The following CCSER1 variants were observed in gnomAD, a reference collection of about 807,000 sequenced individuals.
CCSER1 encodes coiled-coil serine rich protein 1.
Under a neutral mutation model 82.0 loss-of-function variants are expected in CCSER1, and 41 were observed. That is an observed-to-expected ratio of 0.50 (90% CI 0.39 to 0.65). The LOEUF is 0.65. Among genes scored for constraint, CCSER1 ranks in the 30% least tolerant of loss-of-function variants. The pLI, the probability that CCSER1 is intolerant of heterozygous loss-of-function variation, is 0.00. For synonymous variants in CCSER1, 414 were observed against 383.9 expected (o/e 1.08, Z -0.92); for missense variants, 1,119 against 1,064.2 (o/e 1.05, Z -0.72).
At chr4:90,528,672 C>T (rs908928934) in intron 5 of CCSER1, among the ~76,000 whole-genome samples, 1 of 152,120 alleles carries the variant, frequency 6.6e-6, no homozygotes, top group Non-Finnish European at 1.5e-5. Context: ...ATAAAACACA[C>T]GTTCCATTAA....
At chr4:90,582,849 G>T (rs577512930) in intron 5 of CCSER1, among the ~76,000 whole-genome samples, 1 of 152,202 alleles carries the variant, frequency 6.6e-6, no homozygotes, top group African/African-American at 2.4e-5. Context: ...ATTCATGCTT[G>T]AGAAAAAATA....
At chr4:91,363,926 G>T (rs10516890) in intron 10 of CCSER1, among the ~76,000 whole-genome samples, 113,581 of 151,436 alleles carry the variant, frequency 0.75, 43,475 homozygotes, top group East Asian at 0.9. Context: ...TGTAGCCCAT[G>T]GATTTGGATC....
At chr4:90,802,216 T>TA (rs922853734) in intron 7 of CCSER1, among the ~76,000 whole-genome samples, 13 of 145,396 alleles carry the variant, frequency 8.9e-5, no homozygotes, top group Admixed American at 1.4e-4. Context: ...AGACTCCATC[T>TA]AAAAAAAAAA....
intron 1 of CCSER1, among the ~76,000 whole-genome samples, chr4:90,243,009 A>G (rs1720652401): frequency 6.6e-6 from 1 of 151,510 alleles, no homozygotes; most frequent in Admixed American, 6.6e-5. Context: ...TCCATGTGGA[A>G]TTTAAAGACT....
chr4:91,057,552 T>C (rs1171798907), intron 9 of CCSER1, among the ~76,000 whole-genome samples: 1 of 152,180 alleles, frequency 6.6e-6, no homozygotes, highest in African/African-American at 2.4e-5. Context: ...TAGCTGTTTC[T>C]AGTCTTCATT....
chr4:90,891,924 A>T (rs1471844984), intron 8 of CCSER1, among the ~76,000 whole-genome samples: 1 of 152,090 alleles, frequency 6.6e-6, no homozygotes, highest in Non-Finnish European at 1.5e-5. Flanking sequence ...TGTAATATCA[A>T]CAAGATCTAT....
At chr4:91,359,900 G>A (rs1031940571) in intron 10 of CCSER1, among the ~76,000 whole-genome samples, 1 of 151,790 alleles carries the variant, frequency 6.6e-6, no homozygotes, top group Non-Finnish European at 1.5e-5. Flanking sequence ...CCATCTATGT[G>A]ACAGCCACAG....
At chr4:91,523,992 A>G (rs568839364) in intron 10 of CCSER1, among the ~76,000 whole-genome samples, 220 of 152,332 alleles carry the variant, frequency 1.4e-3, no homozygotes, top group African/African-American at 5.0e-3. Context: ...TTGAACAACA[A>G]CAAATCTAAC....
chr4:90,296,559 T>G (rs1260125022), intron 1 of CCSER1, among the ~76,000 whole-genome samples: 2 of 152,200 alleles, frequency 1.3e-5, no homozygotes, highest in East Asian at 3.8e-4. Flanking sequence ...AGACATGAAG[T>G]CCTTGCCCAT....
At chr4:91,178,765 G>C (rs1213360773) in intron 10 of CCSER1, among the ~76,000 whole-genome samples, 1 of 151,958 alleles carries the variant, frequency 6.6e-6, no homozygotes, top group African/African-American at 2.4e-5. Flanking sequence ...TATCTAATTT[G>C]CCAGTCTGTT....
intron 5 of CCSER1, among the ~76,000 whole-genome samples, chr4:90,524,549 A>ACCTCAG (rs1211233612): frequency 8.6e-5 from 13 of 152,022 alleles, no homozygotes; most frequent in Admixed American, 8.5e-4. Flanking sequence ...GCTCACTGCA[A>ACCTCAG]CCTCAGCCTC....
intron 1 of CCSER1, among the ~76,000 whole-genome samples, chr4:90,248,112 T>G (rs1721771063): frequency 6.6e-6 from 1 of 152,158 alleles, no homozygotes; most frequent in Admixed American, 6.5e-5. Flanking sequence ...TGATTAGATT[T>G]ATAGGTTTCA....
At chr4:90,788,502 T>C (rs1754820252) in intron 7 of CCSER1, among the ~76,000 whole-genome samples, 1 of 152,104 alleles carries the variant, frequency 6.6e-6, no homozygotes, top group African/African-American at 2.4e-5. Flanking sequence ...ATCTGGTAGT[T>C]TCTTGGTTTG....
intron 10 of CCSER1, among the ~76,000 whole-genome samples, chr4:91,389,019 C>T (rs1011596150): frequency 2.6e-5 from 4 of 151,934 alleles, no homozygotes; most frequent in African/African-American, 4.8e-5. Flanking sequence ...CAAATACTTC[C>T]TCACAGTTTG....
chr4:90,713,692 C>G (rs1741076675), intron 6 of CCSER1, among the ~76,000 whole-genome samples: 1 of 151,858 alleles, frequency 6.6e-6, no homozygotes, highest in African/African-American at 2.4e-5. Context: ...GTTGGCCTGT[C>G]TTGCTTGGTT....
chr4:90,818,258 T>C (rs1277118743), intron 8 of CCSER1, among the ~76,000 whole-genome samples: 1 of 151,354 alleles, frequency 6.6e-6, no homozygotes, highest in African/African-American at 2.4e-5. Context: ...AAAAAAGAAA[T>C]GTTTTTCTTT....
chr4:90,963,669 G>A (rs1734260579), intron 9 of CCSER1, among the ~76,000 whole-genome samples: 1 of 151,692 alleles, frequency 6.6e-6, no homozygotes, highest in African/African-American at 2.4e-5. Flanking sequence ...GAGGACAGAG[G>A]CCTCAAGTGA....
intron 1 of CCSER1, among the ~76,000 whole-genome samples, chr4:90,262,347 T>G (rs545365294): frequency 1.3e-5 from 2 of 152,132 alleles, no homozygotes; most frequent in Non-Finnish European, 2.9e-5. Context: ...ACTGTATGAG[T>G]TCGTTTGTTA....
intron 7 of CCSER1, among the ~76,000 whole-genome samples, chr4:90,748,371 A>C (rs1218645737): frequency 3.4e-5 from 5 of 147,086 alleles, no homozygotes; most frequent in African/African-American, 1.0e-4. Flanking sequence ...TGAACTCATC[A>C]TTTTTTATGG....
Sources: gnomAD v4.1 joint callset for allele counts (sites outside exome capture counted in the v4.1 genomes callset) on GRCh38, gnomAD v4.1.1 for gene constraint, MANE v1.5 for transcripts, NCBI Gene and HGNC (gene_info 2026-07-23, HGNC 2026-07-21) for gene names.